The following HIVEP2 variants were observed in gnomAD, a reference collection of about 807,000 sequenced individuals.
HIVEP2 encodes the protein transcription factor HIVEP2.
In HIVEP2, 14 loss-of-function variants were observed where a neutral mutation model predicts 180.7. The observed-to-expected ratio is 0.08, with a 90% CI of 0.05 to 0.12. The LOEUF is 0.12. Ranked by LOEUF, HIVEP2 falls within the 10% of genes least tolerant of loss-of-function variation. The pLI is 1.00. For missense variants in HIVEP2, 2,579 were observed against 3,008.5 expected (o/e 0.86, Z 3.34); for synonymous variants, 1,184 against 1,136.4 (o/e 1.04, Z -0.84).
intron 2 of HIVEP2, among the ~76,000 whole-genome samples, chr6:142,793,476 G>C (rs1046876461): frequency 1.3e-5 from 2 of 152,098 alleles, no homozygotes; most frequent in Non-Finnish European, 2.9e-5. Flanking sequence ...CCGATACCAT[G>C]ATTACCAAAA....
intron 6 of HIVEP2, among the ~76,000 whole-genome samples, chr6:142,766,306 A>G (rs1047382401): frequency 3.3e-5 from 5 of 152,194 alleles, no homozygotes; most frequent in Admixed American, 3.3e-4. Context: ...TCAATTTTGC[A>G]TGTCTTCCGT....
chr6:142,772,182 G>C lies in HIVEP2; in HGVS notation c.2557C>G (p.Pro853Ala). 1 of 1,614,156 alleles carries C rather than the reference G, an allele frequency of 6.2e-7. No individual in the cohort carries two copies. The highest frequency in any genetic ancestry group is 8.5e-7 in the Non-Finnish European group (1 of 1,180,026). Residue 853 changes from proline to alanine, a missense_variant, in exon 5 of 10, where the codon CCT becomes GCT. Pro to Ala is a conservative substitution (Grantham distance 27, BLOSUM62 -1). Transcript: ENST00000367603. This position sits in a 1 kb window ranked among gnomAD's most constrained non-coding sequence, Gnocchi z 4.9. The stretch of plus-strand genomic sequence containing the variant: ...CCCCCACTTTCTGCACCATCCCCAG[G>C]TGGAGCCCACTCAGGACTCACTGGG... ...EAPVSPEWAPPGDGAESGGKP... is the reference protein window; with the variant it reads ...EAPVSPEWAPAGDGAESGGKP...
intron 2 of HIVEP2, among the ~76,000 whole-genome samples, chr6:142,827,752 A>G (rs1774952801): frequency 6.6e-6 from 1 of 152,118 alleles, no homozygotes; most frequent in Non-Finnish European, 1.5e-5. Flanking sequence ...TTTAATTGCA[A>G]GAAAATAATC....
At chr6:142,847,104 C>G (rs1308128673) in intron 1 of HIVEP2, among the ~76,000 whole-genome samples, 1 of 152,144 alleles carries the variant, frequency 6.6e-6, no homozygotes, top group Non-Finnish European at 1.5e-5. Context: ...GGTTATACTC[C>G]CAGCAGCACA....
intron 2 of HIVEP2, among the ~76,000 whole-genome samples, chr6:142,830,899 A>T (rs1775060215): frequency 6.6e-6 from 1 of 152,164 alleles, no homozygotes. Flanking sequence ...GGCAGCCCCT[A>T]TGCTGGTGTC....
intron 2 of HIVEP2, among the ~76,000 whole-genome samples, chr6:142,821,489 T>C (rs982479729): frequency 6.6e-6 from 1 of 152,208 alleles, no homozygotes; most frequent in African/African-American, 2.4e-5. Flanking sequence ...TCAGGCAAGT[T>C]ACCTAACCTC....
In HIVEP2 at chr6:142,753,384, T is replaced by G; in HGVS notation, c.7064A>C (p.Gln2355Pro). ...TCCCAGGGGGTTCTGGTGGGGCTCC[T>G]GCACCCGCGCTGGCTGATCTGGCCC... ...LLGPDQPARV[Q>P]EPHQNPLGSA... Residue 2355 changes from glutamine (Q) to proline (P), a missense_variant, in exon 10 of 10, where the codon CAG becomes CCG. Coordinates refer to ENST00000367603, the MANE Select transcript of HIVEP2 (RefSeq NM_006734.4). 6.2e-7 allele frequency: 1 copy of G among 1,613,986 alleles called. No individual in the cohort carries two copies. Among genetic ancestry groups the G allele is most frequent in the Non-Finnish European group, 8.5e-7 (1 of 1,180,024 alleles).
Position 142,772,633 on chromosome 6 carries a change from G to A in HIVEP2, c.2106C>T (p.Ser702=), listed in dbSNP as rs748901140. 1.4e-5 allele frequency: 23 copies of A among 1,614,046 alleles called. No homozygotes were observed. The highest frequency in any genetic ancestry group is 6.7e-5 in the Admixed American group (4 of 60,012). The part of the protein sequence containing the change: ...CENRKRRKEK[S]VGDEEDTPMI... ...TGGGCGTGTCCTCTTCATCCCCTAC[G>A]CTCTTCTCTTTCCGGCGTTTCCTGT... Residue 702 remains serine (S), a synonymous_variant, in exon 5 of 10, where the codon AGC becomes AGT. Transcript: ENST00000367603. This position sits in a 1 kb window ranked among gnomAD's most constrained non-coding sequence, Gnocchi z 4.9.
At chr6:142,764,105 A>G (rs1775322912) in intron 7 of HIVEP2, among the ~76,000 whole-genome samples, 1 of 152,174 alleles carries the variant, frequency 6.6e-6, no homozygotes, top group Non-Finnish European at 1.5e-5. Flanking sequence ...GTATTCTGAG[A>G]CTACCAGACT....
chr6:142,924,290 T>C (rs1312130084), intron 1 of HIVEP2, among the ~76,000 whole-genome samples: 1 of 152,150 alleles, frequency 6.6e-6, no homozygotes, highest in Admixed American at 6.5e-5. Flanking sequence ...GCATCTGAAA[T>C]ATGAGAGATA....
intron 2 of HIVEP2, among the ~76,000 whole-genome samples, chr6:142,784,729 C>T (rs867576009): frequency 9.9e-5 from 15 of 152,046 alleles, no homozygotes; most frequent in Admixed American, 3.9e-4. Flanking sequence ...TCAAATCAAC[C>T]GTTTGCTGGC....
rs184453414 is a variant in HIVEP2 at position 142,903,461 on chromosome 6, T to C, written c.-641+41638A>G. Among the ~76,000 whole-genome samples, 466 of 152,356 alleles carry C rather than the reference T, an allele frequency of 3.1e-3. 2 individuals are homozygous for C. Among genetic ancestry groups the C allele is most frequent in the African/African-American group, 0.011 (451 of 41,584 alleles). ...TTGAAATTCTATTGAAACTATTCCC[T>C]GATTTCTGTACTTGGAGTACAATCA... On this transcript the variant is annotated intron_variant, in intron 1 of 9. Coordinates refer to ENST00000367603, the MANE Select transcript of HIVEP2 (RefSeq NM_006734.4).
At chr6:142,813,535 T>C (rs1029406280) in intron 2 of HIVEP2, among the ~76,000 whole-genome samples, 27 of 151,854 alleles carry the variant, frequency 1.8e-4, no homozygotes, top group Non-Finnish European at 3.8e-4. Context: ...GTATAAGATA[T>C]AAGACATTAT....
At chr6:142,756,495 A>G (rs1468435606) in intron 9 of HIVEP2, among the ~76,000 whole-genome samples, 2 of 152,132 alleles carry the variant, frequency 1.3e-5, no homozygotes, top group African/African-American at 4.8e-5. Flanking sequence ...CAAATTAAAA[A>G]ACTGTGGTCA....
intron 1 of HIVEP2, among the ~76,000 whole-genome samples, chr6:142,901,288 T>C (rs533035743): frequency 1.3e-5 from 2 of 152,192 alleles, no homozygotes; most frequent in Non-Finnish European, 2.9e-5. Context: ...CTAATAAATA[T>C]GCTGTGAAAC....
chr6:142,792,032 C>G (rs138085725), intron 2 of HIVEP2, among the ~76,000 whole-genome samples: 1 of 152,070 alleles, frequency 6.6e-6, no homozygotes, highest in Admixed American at 6.6e-5. Context: ...AGGTTATTAT[C>G]GTGACATAGA....
rs1774951797 is a variant in HIVEP2 at position 142,752,702 on chromosome 6, C to G, written c.*405G>C. 1 of 168,142 alleles carries G rather than the reference C, an allele frequency of 5.9e-6. No individual in the cohort carries two copies. The highest frequency in any genetic ancestry group is 2.4e-5 in the African/African-American group (1 of 41,614). The allele number at this position is 168,142 out of a possible 1,614,324, so 10.4% of individuals were successfully genotyped here. Reference sequence around the variant, plus strand: ...ATATAAAAATATGTTTTAGTGCAACCTCACATATATATTGATGCTGTTTTG... The same window carrying G: ...ATATAAAAATATGTTTTAGTGCAACGTCACATATATATTGATGCTGTTTTG... On this transcript the variant is annotated 3_prime_UTR_variant, in exon 10 of 10. Transcript: ENST00000367603.
intron 2 of HIVEP2, among the ~76,000 whole-genome samples, chr6:142,793,675 C>CTTTCTTTCTTTCTTTCTTTCTT (rs60365543): frequency 3.3e-5 from 4 of 122,826 alleles, no homozygotes; most frequent in Non-Finnish European, 5.0e-5. Context: ...TTCTTTCTTT[C>CTTTCTTTCTTTCTTTCTTTCTT]TCTCTCTCTC....
At chr6:142,791,702 C>A (rs1217563041) in intron 2 of HIVEP2, among the ~76,000 whole-genome samples, 6 of 152,092 alleles carry the variant, frequency 3.9e-5, no homozygotes, top group Non-Finnish European at 4.4e-5. Flanking sequence ...GAGTTTGAAT[C>A]CAGATATTAC....
Sources: allele counts gnomAD v4.1 joint callset (sites outside exome capture counted in the v4.1 genomes callset), GRCh38; gene constraint gnomAD v4.1.1; non-coding constraint Gnocchi (gnomAD v3.1); transcripts MANE v1.5; gene names NCBI Gene and HGNC (gene_info 2026-07-23, HGNC 2026-07-21).